TTC23: variants seen among roughly 807,000 people sequenced by gnomAD.
TTC23 encodes tetratricopeptide repeat domain 23, also known as tetratricopeptide repeat protein 23.
In TTC23, 58 loss-of-function variants were observed where a neutral mutation model predicts 55.1. The observed-to-expected ratio is 1.05, with a 90% CI of 0.85 to 1.31. The LOEUF (loss-of-function observed/expected upper bound fraction) is 1.31. Among genes scored for constraint, TTC23 ranks in the 50% most tolerant of loss-of-function variants. The pLI, the probability that TTC23 is intolerant of heterozygous loss-of-function variation, is 0.00. For synonymous variants in TTC23, 203 were observed against 199.9 expected, an observed-to-expected ratio of 1.02 and a Z score of -0.13; for missense variants, 516 against 534.4, an observed-to-expected ratio of 0.97 and a Z score of 0.34.
intron 9 of TTC23, among the ~76,000 whole-genome samples, chr15:99,190,136 C>T (rs538509094): frequency 9.9e-5 from 15 of 151,744 alleles, no homozygotes; most frequent in Admixed American, 2.6e-4. Context: ...GCTGTGTTTG[C>T]GCCGCTACAC....
At chr15:99,150,401 G>T (rs1670214) in intron 12 of TTC23, among the ~76,000 whole-genome samples, 1 of 152,124 alleles carries the variant, frequency 6.6e-6, no homozygotes, top group Non-Finnish European at 1.5e-5. Flanking sequence ...TTAGAGCAAG[G>T]CTCAAAAAAT....
intron 2 of TTC23, among the ~76,000 whole-genome samples, chr15:99,244,344 A>T (rs1219775525): frequency 6.6e-6 from 1 of 152,224 alleles, no homozygotes; most frequent in Non-Finnish European, 1.5e-5. Flanking sequence ...GAAATAAAAC[A>T]TTATTATCAG....
intron 8 of TTC23, among the ~76,000 whole-genome samples, chr15:99,201,728 A>C (rs1414444702): frequency 6.6e-6 from 1 of 152,222 alleles, no homozygotes; most frequent in Non-Finnish European, 1.5e-5. Flanking sequence ...GGAAGGAAAA[A>C]GATTAATAGG....
chr15:99,150,632 G>A (rs1468024698), intron 12 of TTC23, among the ~76,000 whole-genome samples: 2 of 152,164 alleles, frequency 1.3e-5, no homozygotes, highest in African/African-American at 4.8e-5. Context: ...TTGGGGGGAG[G>A]ATAACCTTTC....
intron 12 of TTC23, among the ~76,000 whole-genome samples, chr15:99,153,089 G>A (rs1048670897): frequency 6.6e-6 from 1 of 152,226 alleles, no homozygotes; most frequent in African/African-American, 2.4e-5. Flanking sequence ...ATGAGCCACC[G>A]TGCCTGGCCA....
intron 2 of TTC23, among the ~76,000 whole-genome samples, chr15:99,243,097 C>T (rs1230019544): frequency 1.3e-5 from 2 of 151,966 alleles, no homozygotes; most frequent in East Asian, 3.8e-4. Context: ...TGTAAACTAC[C>T]CATCTGACAA....
intron 8 of TTC23, among the ~76,000 whole-genome samples, chr15:99,205,591 T>G (rs2076560812): frequency 7.0e-6 from 1 of 142,904 alleles, no homozygotes; most frequent in African/African-American, 2.5e-5. Context: ...TACTTTCTTG[T>G]TTTTTTTTTT....
Position 99,228,655 on chromosome 15 carries a change from C to G in TTC23, c.58G>C (p.Val20Leu), listed in dbSNP as rs1357836588. The change falls in exon 5 of 14, where the codon GTT becomes CTT. Residue 20 changes from valine to leucine, a missense_variant. Transcript: ENST00000394132. ...AACTTCTTTCTATGAGTGATGCTAA[C>G]AGCAGCAACAACTTCATCTAGGTGG... ...SNHLDEVVAAVSITHRKKFQN... is the reference protein window; with the variant it reads ...SNHLDEVVAALSITHRKKFQN... 5 of 1,613,464 alleles carry G rather than the reference C, an allele frequency of 3.1e-6. No homozygotes were observed. The African/African-American group carries it at 5.3e-5, about 17-fold the overall frequency.
chr15:99,141,822 A>G (rs531121590), intron 12 of TTC23, among the ~76,000 whole-genome samples: 1 of 152,256 alleles, frequency 6.6e-6, no homozygotes. Flanking sequence ...TGAGAATATG[A>G]CAGGATTTTT....
intron 6 of TTC23, 70 bp from the exon 7 acceptor site, chr15:99,219,118 G>T: frequency 6.5e-7 from 1 of 1,541,804 alleles, no homozygotes; most frequent in Non-Finnish European, 8.8e-7. Context: ...GTTCCTTATG[G>T]TCTGGGAATC....
intron 13 of TTC23, 34 bp downstream of exon 13, chr15:99,139,283 T>C (rs782783017): frequency 9.5e-5 from 149 of 1,562,988 alleles, no homozygotes; most frequent in Non-Finnish European, 1.2e-4. Context: ...GGAAAGGGAA[T>C]GAGATAGAGA....
In TTC23 at chr15:99,151,897, C is replaced by A. The variant is rs187373142; in HGVS notation, c.1143+4251G>T. Among the ~76,000 whole-genome samples the A allele has an allele frequency of 8.5e-5, 13 of 152,300 alleles. No homozygotes were observed. The East Asian group carries it at 2.5e-3, about 29-fold the overall frequency. Reference sequence around the variant, plus strand: ...TATCTCCACTCCAACAACTCTGAGCCACGAGATCAAGGCCAAGACACGTCT... The same window carrying A: ...TATCTCCACTCCAACAACTCTGAGCAACGAGATCAAGGCCAAGACACGTCT... On this transcript the variant is annotated intron_variant, in intron 12 of 13. Transcript: ENST00000394132.
intron 10 of TTC23, among the ~76,000 whole-genome samples, chr15:99,168,212 G>A (rs986043162): frequency 1.3e-5 from 2 of 152,210 alleles, no homozygotes; most frequent in Non-Finnish European, 2.9e-5. Context: ...AAGGAAGTCC[G>A]TGGCCATCTC....
intron 2 of TTC23, 120 bp from the exon 3 acceptor site, chr15:99,241,679 A>C (rs962048324): frequency 2.6e-4 from 40 of 152,376 alleles, no homozygotes; most frequent in African/African-American, 8.9e-4. Context: ...CTGAAATAGC[A>C]GGAGGGCCAA....
At position 99,138,026 on chromosome 15, in the gene TTC23, C is replaced by T. The variant is rs2067727635; in HGVS notation, c.1328G>A (p.Gly443Asp). Residue 443 changes from glycine (G) to aspartate (D), a missense_variant, in exon 14 of 14, where the codon GGC becomes GAC. Physicochemically the swap from Gly to Asp is moderately conservative, Grantham distance 94. Transcript: ENST00000394132. ...QDTLLGKARP[G>D]TTAD ...GTGGGGGCCTCAGTCTGCTGTTGTG[C>T]CGGGCCGGGCCTTCCCCAGCAGGGT... is the stretch of plus-strand genomic sequence containing the variant. 4 of 1,613,894 alleles carry T rather than the reference C, an allele frequency of 2.5e-6. No homozygotes were observed. The highest frequency in any genetic ancestry group is 1.3e-5 in the African/African-American group (1 of 74,902).
chr15:99,216,924 T>A (rs773042986), intron 8 of TTC23, among the ~76,000 whole-genome samples: 22 of 152,158 alleles, frequency 1.4e-4, no homozygotes, highest in Non-Finnish European at 2.9e-4. Context: ...TAAGTGAAGC[T>A]GTGTAAGGAT....
At chr15:99,236,959 A>G (rs908674452) in intron 3 of TTC23, among the ~76,000 whole-genome samples, 15 of 150,010 alleles carry the variant, frequency 1.0e-4, no homozygotes, top group African/African-American at 3.7e-4. Flanking sequence ...CGCTTAGCAC[A>G]GGAGTCATCA....
intron 6 of TTC23, among the ~76,000 whole-genome samples, chr15:99,220,281 T>C (rs993188455): frequency 3.9e-5 from 6 of 152,200 alleles, no homozygotes; most frequent in Non-Finnish European, 7.3e-5. Flanking sequence ...AATAAGGTTA[T>C]GCATGGAAAA....
At chr15:99,141,094 A>G (rs897400121) in intron 12 of TTC23, 13 of 152,240 alleles carry the variant, frequency 8.5e-5, no homozygotes, top group African/African-American at 1.9e-4. Context: ...TGTTAAAGAT[A>G]CAAAGCAACA....
Sources: allele counts gnomAD v4.1 joint callset (sites outside exome capture counted in the v4.1 genomes callset), GRCh38; gene constraint gnomAD v4.1.1; transcripts MANE v1.5; gene names NCBI Gene and HGNC (gene_info 2026-07-23, HGNC 2026-07-21).